Variants in MYOF observed in about 807,000 individuals in gnomAD.
The protein encoded by MYOF is fer-1-like 3, myoferlin.
In MYOF, 244 loss-of-function variants were observed where a neutral mutation model predicts 284.2. The observed-to-expected ratio is 0.86, with a 90% CI of 0.77 to 0.95. The LOEUF is 0.95. Among genes scored for constraint, MYOF ranks in the 40% least tolerant of loss-of-function variants. The probability of loss-of-function intolerance (pLI) is 0.00; values close to 1 mark genes in which losing one functional copy is unlikely to be tolerated. For missense variants in MYOF, 2,496 were observed against 2,560.6 expected, an observed-to-expected ratio of 0.97 and a Z score of 0.54; for synonymous variants, 904 against 919.7, an observed-to-expected ratio of 0.98 and a Z score of 0.31.
At chr10:93,360,783 G>T (rs1416990770) in intron 28 of MYOF, among the ~76,000 whole-genome samples, 2 of 152,154 alleles carry the variant, frequency 1.3e-5, no homozygotes, top group African/African-American at 4.8e-5. Context: ...CTGCGTCAGG[G>T]GGGCCCTGAA....
At chr10:93,322,978 A>C (rs1842901241) in intron 48 of MYOF, 100 bp downstream of exon 48, 1 of 1,246,306 alleles carries the variant, frequency 8.0e-7, no homozygotes, top group African/African-American at 1.5e-5. Flanking sequence ...AACCTCAAAA[A>C]ACCAAGAATC....
chr10:93,332,741 G>C (rs1347541505), intron 43 of MYOF, among the ~76,000 whole-genome samples: 1 of 151,962 alleles, frequency 6.6e-6, no homozygotes, highest in East Asian at 2.0e-4. Context: ...CAGCTACTCG[G>C]GAGGCTGAGG....
intron 16 of MYOF, among the ~76,000 whole-genome samples, chr10:93,394,455 T>TC (rs1846877322): frequency 1.1e-5 from 1 of 91,368 alleles, no homozygotes; most frequent in Admixed American, 1.2e-4. Context: ...TGTCTTTTTT[T>TC]TTTTTTTTTT....
chr10:93,317,173 T>TCCAGTAC (rs1842647416), intron 49 of MYOF, among the ~76,000 whole-genome samples: 1 of 146,106 alleles, frequency 6.8e-6, no homozygotes, highest in Non-Finnish European at 1.5e-5. Context: ...GCCCACAGTA[T>TCCAGTAC]CACCCACCGG....
chr10:93,340,011 C>T (rs1384702932), intron 39 of MYOF, 142 bp downstream of exon 39: 17 of 808,420 alleles, frequency 2.1e-5, no homozygotes, highest in Non-Finnish European at 3.3e-5. Flanking sequence ...CCCCGGGGGG[C>T]GGAGCCTGCA....
chr10:93,369,110 C>CTTGTTTT (rs1845459491), intron 25 of MYOF, among the ~76,000 whole-genome samples: 1 of 78,308 alleles, frequency 1.3e-5, no homozygotes. Flanking sequence ...ATTCAGACAG[C>CTTGTTTT]TTTTTTTTTT....
intron 32 of MYOF, among the ~76,000 whole-genome samples, chr10:93,352,282 G>C (rs184468504): frequency 6.6e-6 from 1 of 152,334 alleles, no homozygotes; most frequent in African/African-American, 2.4e-5. Flanking sequence ...TCACGGTGTT[G>C]AGAGGATGAA....
intron 19 of MYOF, among the ~76,000 whole-genome samples, chr10:93,382,773 G>C (rs1269998689): frequency 6.6e-6 from 1 of 152,204 alleles, no homozygotes; most frequent in Non-Finnish European, 1.5e-5. Context: ...TTAGGTTGCT[G>C]TGTTTCATTA....
chr10:93,452,168 GA>G (rs779603982), intron 2 of MYOF, 27 bp from the exon 3 acceptor site: 1 of 1,498,302 alleles, frequency 6.7e-7, no homozygotes, highest in East Asian at 2.3e-5. Context: ...TTTGAAAAAA[GA>G]GAAAAAAAAA....
At chr10:93,360,290 C>T (rs759429148) in intron 28 of MYOF, among the ~76,000 whole-genome samples, 4 of 152,200 alleles carry the variant, frequency 2.6e-5, no homozygotes, top group South Asian at 4.1e-4. Flanking sequence ...AGCAGGTAAG[C>T]GTGTGGACTG....
chr10:93,431,484 T>C lies in MYOF; in HGVS notation c.269A>G (p.Asp90Gly), dbSNP rs577447958. The stretch of plus-strand genomic sequence containing the variant: ...GGATCTGCTCTGGTCACCAGTCAGG[T>C]CCTTCAGGGCTACAGTCGCCGTGCC... ...LIGTATVALK[D>G]LTGDQSRSLP... is the part of the protein sequence containing the mutation. The change falls in exon 4 of 54, where the codon GAC becomes GGC. Residue 90 changes from aspartate to glycine, a missense_variant. Physicochemically the swap from Asp to Gly is moderately conservative, Grantham distance 94. This residue lies in a region of MYOF where 2,436 missense variants were observed against 2,480.7 expected (regional missense o/e 0.98). Coordinates refer to ENST00000359263, the MANE Select transcript of MYOF (RefSeq NM_013451.4). The C allele has an allele frequency of 6.2e-7, 1 of 1,613,988 alleles. No homozygotes were observed. Among genetic ancestry groups the C allele is most frequent in the Admixed American group, 1.7e-5 (1 of 60,006 alleles).
intron 26 of MYOF, 62 bp from the exon 27 acceptor site, chr10:93,364,137 T>C: frequency 1.4e-6 from 2 of 1,413,544 alleles, no homozygotes; most frequent in South Asian, 2.3e-5. Flanking sequence ...CCTCGGCGAT[T>C]GCCAACACTC....
Position 93,351,408 on chromosome 10 carries a change from T to C in MYOF, c.3822+5A>G, listed in dbSNP as rs757071849. 4 of 1,613,938 alleles carry C rather than the reference T, an allele frequency of 2.5e-6. No homozygotes were observed. The highest frequency in any genetic ancestry group is 1.1e-5 in the South Asian group (1 of 90,966). ...GAATACATGAGGAAGAACACAGCAA[T>C]GTACCTTGCCCCTCAGAATCAGCTC... On this transcript the variant is annotated splice_donor_5th_base_variant and intron_variant, in intron 34 of 53. Coordinates refer to ENST00000359263, the MANE Select transcript of MYOF (RefSeq NM_013451.4).
intron 11 of MYOF, among the ~76,000 whole-genome samples, chr10:93,401,887 C>A (rs1847313827): frequency 6.6e-6 from 1 of 151,930 alleles, no homozygotes. Flanking sequence ...GTTTGCCACC[C>A]AGTTTCCTAG....
intron 46 of MYOF, 110 bp from the exon 47 acceptor site, chr10:93,323,468 A>G: frequency 1.1e-6 from 1 of 947,774 alleles, no homozygotes; most frequent in Non-Finnish European, 1.6e-6. Flanking sequence ...TGGTCTCTCT[A>G]ATTTATTAGT....
At chr10:93,364,434 A>T (rs12248642) in intron 26 of MYOF, among the ~76,000 whole-genome samples, 7,049 of 152,292 alleles carry the variant, frequency 0.046, 387 homozygotes, top group African/African-American at 0.14. Flanking sequence ...GCTCAGCTTT[A>T]TCTCAATGAA....
chr10:93,458,548 G>A (rs2056799036), intron 1 of MYOF, among the ~76,000 whole-genome samples: 1 of 151,952 alleles, frequency 6.6e-6, no homozygotes, highest in Non-Finnish European at 1.5e-5. Flanking sequence ...TGGCCAACAT[G>A]GTGAAACCCC....
intron 2 of MYOF, among the ~76,000 whole-genome samples, chr10:93,454,268 A>T (rs1010001236): frequency 6.6e-6 from 1 of 152,216 alleles, no homozygotes; most frequent in African/African-American, 2.4e-5. Flanking sequence ...TTTGGTTTCA[A>T]TTATAAAACA....
intron 41 of MYOF, among the ~76,000 whole-genome samples, 169 bp downstream of exon 41, chr10:93,335,752 C>A (rs2133825033): frequency 6.6e-6 from 1 of 151,926 alleles, no homozygotes; most frequent in Middle Eastern, 3.4e-3. Context: ...GCAGGATGTG[C>A]CCCTACCTAG....
Sources: gnomAD v4.1 joint callset for allele counts (sites outside exome capture counted in the v4.1 genomes callset) on GRCh38, gnomAD v4.1.1 for gene constraint, gnomAD v4.1.1 regional missense constraint, MANE v1.5 for transcripts, NCBI Gene and HGNC (gene_info 2026-07-23, HGNC 2026-07-21) for gene names.